Variants in NALCN observed in about 807,000 individuals in gnomAD.
NALCN encodes the protein sodium leak channel NALCN.
Under a neutral mutation model 225.3 loss-of-function variants are expected in NALCN, and 111 were observed. The ratio of observed to expected loss-of-function variants is 0.49; its 90% CI spans 0.42 to 0.58. The LOEUF (loss-of-function observed/expected upper bound fraction) is 0.58. Among genes scored for constraint, NALCN ranks in the 20% least tolerant of loss-of-function variants. NALCN has a pLI of 0.00. For synonymous variants in NALCN, 764 were observed against 769.0 expected (o/e 0.99, Z 0.11); for missense variants, 1,378 against 2,202.4 (o/e 0.63, Z 7.49).
intron 10 of NALCN, among the ~76,000 whole-genome samples, chr13:101,279,832 AAATAAAAT>A (rs1378625917): frequency 0.029 from 1,385 of 48,076 alleles, 17 homozygotes; most frequent in African/African-American, 0.067. Context: ...ATAAATAAAT[AAATAAAAT>A]AAATAAATAA....
intron 9 of NALCN, among the ~76,000 whole-genome samples, 155 bp from the exon 10 acceptor site, chr13:101,284,174 A>C (rs1380861058): frequency 6.6e-6 from 1 of 152,224 alleles, no homozygotes; most frequent in Non-Finnish European, 1.5e-5. Context: ...GTTCTTTAAC[A>C]TTGAAAGCTT....
intron 3 of NALCN, among the ~76,000 whole-genome samples, chr13:101,393,943 G>A (rs1344839675): frequency 1.3e-5 from 2 of 152,094 alleles, no homozygotes; most frequent in Non-Finnish European, 2.9e-5. Flanking sequence ...CCTACATTAA[G>A]GAATTATTGC....
At chr13:101,250,200 A>T (rs1010852966) in intron 11 of NALCN, among the ~76,000 whole-genome samples, 1 of 152,260 alleles carries the variant, frequency 6.6e-6, no homozygotes, top group South Asian at 2.1e-4. Context: ...GTTGGAAAAC[A>T]CTAAGGAAGG....
At chr13:101,400,580 T>TGTGCGC (rs1447560398) in intron 1 of NALCN, among the ~76,000 whole-genome samples, 12 of 135,746 alleles carry the variant, frequency 8.8e-5, no homozygotes, top group South Asian at 2.3e-4. Flanking sequence ...TGTGTGTGTG[T>TGTGCGC]GCACGTGTGT....
chr13:101,401,809 C>A (rs1484822233), intron 1 of NALCN, among the ~76,000 whole-genome samples: 3 of 152,084 alleles, frequency 2.0e-5, no homozygotes, highest in Non-Finnish European at 4.4e-5. Flanking sequence ...CCTGGCTAAT[C>A]CACACATACA....
intron 14 of NALCN, among the ~76,000 whole-genome samples, chr13:101,182,111 G>A (rs1200662786): frequency 8.5e-6 from 1 of 118,296 alleles, no homozygotes; most frequent in Non-Finnish European, 1.6e-5. Context: ...TCCAGCCTGG[G>A]CAACAGAGCG....
rs1306185327 is a variant in NALCN, at chr13:101,342,675, T to TTA, written c.799+2589_799+2590dup. Among the ~76,000 whole-genome samples, 10 of 152,322 alleles carry TTA rather than the reference T, an allele frequency of 6.6e-5. 1 individual carries two copies. The highest frequency in any genetic ancestry group is 6.5e-4 in the Admixed American group (10 of 15,302). On this transcript the variant is annotated intron_variant, in intron 7 of 43. Transcript: ENST00000251127. Reference sequence around the variant, plus strand: ...CCCAGTCCTGTGATGTGGTTTATAGTTACAGCTTTTCAGAGTTCTTAAACA... The same window carrying TTA: ...CCCAGTCCTGTGATGTGGTTTATAGTTATACAGCTTTTCAGAGTTCTTAAACA...
intron 11 of NALCN, among the ~76,000 whole-genome samples, chr13:101,253,084 A>G (rs2042110603): frequency 1.1e-4 from 17 of 152,116 alleles, no homozygotes. Context: ...GTGCAATAAT[A>G]ATATATTCTC....
rs10508053 is a variant in NALCN at position 101,111,355 on chromosome 13, G to A, written c.2193-129C>T. The A allele has an allele frequency of 0.048, 32,183 of 666,456 alleles. 4,006 individuals carry two copies. The highest frequency in any genetic ancestry group is 0.41 in the East Asian group (14,697 of 35,620). 41.3% of individuals were successfully genotyped at this position (666,456 alleles called of 1,614,324 possible). ...GAAAACACAAAATACAGCAAATAAC[G>A]TATAATTATAAAGGAAAATGAACTT... On this transcript the variant is annotated intron_variant, in intron 18 of 43. Coordinates refer to ENST00000251127, the MANE Select transcript of NALCN (RefSeq NM_052867.4).
chr13:101,259,971 ATTCT>A (rs2042370792), intron 10 of NALCN, among the ~76,000 whole-genome samples: 2 of 132,202 alleles, frequency 1.5e-5, no homozygotes, highest in African/African-American at 5.3e-5. Context: ...GGTCTTATCT[ATTCT>A]TTCTATTTTT....
At chr13:101,205,336 C>G (rs542099118) in intron 13 of NALCN, among the ~76,000 whole-genome samples, 1 of 151,652 alleles carries the variant, frequency 6.6e-6, no homozygotes, top group East Asian at 1.9e-4. Flanking sequence ...AACACATAAC[C>G]TTTTTATTTT....
In NALCN at chr13:101,237,983, T is replaced by G. The variant is rs1036873620; in HGVS notation, c.1267-61A>C. ...GAACTATAATTTATTCTAAATTATT[T>G]CACATATTTGTCAGTGTATGAATTT... On this transcript the variant is annotated intron_variant, in intron 11 of 43. Transcript: ENST00000251127. The G allele has an allele frequency of 6.1e-6, 9 of 1,470,492 alleles. No individual in the cohort carries two copies. In the Admixed American group the frequency reaches 1.8e-4, roughly 29 times the overall value. The allele number at this position is 1,470,492 out of a possible 1,614,324, so 91.1% of individuals were successfully genotyped here.
At chr13:101,207,691 A>ACTCTGTAAAATGGACCAATCAGCG (rs545684466) in intron 13 of NALCN, among the ~76,000 whole-genome samples, 1 of 152,090 alleles carries the variant, frequency 6.6e-6, no homozygotes, top group African/African-American at 2.4e-5. Context: ...ACCAATCAGC[A>ACTCTGTAAAATGGACCAATCAGCG]CTCTGTAAAA....
chr13:101,101,099 T>G (rs1457493388), intron 26 of NALCN, among the ~76,000 whole-genome samples: 1 of 152,066 alleles, frequency 6.6e-6, no homozygotes, highest in African/African-American at 2.4e-5. Flanking sequence ...ATTTTTTAAA[T>G]GGAAACATGA....
chr13:101,228,821 T>G (rs1176282803), intron 13 of NALCN, among the ~76,000 whole-genome samples: 1 of 152,166 alleles, frequency 6.6e-6, no homozygotes, highest in Non-Finnish European at 1.5e-5. Flanking sequence ...TAAGTCCACA[T>G]AGAGTTAAAT....
At chr13:101,117,779 T>C (rs2139673788) in intron 18 of NALCN, among the ~76,000 whole-genome samples, 1 of 152,344 alleles carries the variant, frequency 6.6e-6, no homozygotes, top group African/African-American at 2.4e-5. Flanking sequence ...GAAGGACATC[T>C]TGGTTGCTTC....
At chr13:101,398,309 C>G (rs4772379) in intron 2 of NALCN, among the ~76,000 whole-genome samples, 1 of 152,020 alleles carries the variant, frequency 6.6e-6, no homozygotes, top group African/African-American at 2.4e-5. Flanking sequence ...ATGTGTGTAT[C>G]ATGGTTGGGG....
intron 7 of NALCN, among the ~76,000 whole-genome samples, chr13:101,328,904 A>T (rs935800468): frequency 6.6e-6 from 1 of 152,114 alleles, no homozygotes; most frequent in Non-Finnish European, 1.5e-5. Context: ...AATACTCACT[A>T]TTGTAGCTCT....
intron 13 of NALCN, among the ~76,000 whole-genome samples, chr13:101,200,932 C>A (rs1217792799): frequency 1.3e-5 from 2 of 152,106 alleles, no homozygotes; most frequent in African/African-American, 4.8e-5. Flanking sequence ...AATTTAAGTT[C>A]AAACATAGTC....
Sources: gnomAD v4.1 joint callset for allele counts (sites outside exome capture counted in the v4.1 genomes callset) on GRCh38, gnomAD v4.1.1 for gene constraint, MANE v1.5 for transcripts, NCBI Gene and HGNC (gene_info 2026-07-23, HGNC 2026-07-21) for gene names.